Variants in HADHB observed in about 807,000 individuals in gnomAD.
HADHB encodes hydroxyacyl-CoA dehydrogenase trifunctional multienzyme complex subunit beta.
HADHB carries 50 observed loss-of-function variants against 61.9 expected under a neutral mutation model. The observed-to-expected ratio is 0.81, with a 90% CI of 0.64 to 1.02. HADHB has a LOEUF of 1.02. Among genes scored for constraint, HADHB ranks in the 50% least tolerant of loss-of-function variants. HADHB has a pLI of 0.00. For synonymous variants in HADHB, 191 were observed against 201.6 expected (o/e 0.95, Z 0.45); for missense variants, 504 against 586.5 (o/e 0.86, Z 1.45).
At chr2:26,285,696 A>C in intron 15 of HADHB, 125 bp downstream of exon 15, 2 of 365,770 alleles carry the variant, frequency 5.5e-6, no homozygotes, top group Non-Finnish European at 5.6e-6. Flanking sequence ...GGGAGTGGGG[A>C]GGGATAACAG....
intron 1 of HADHB, among the ~76,000 whole-genome samples, chr2:26,252,023 C>T (rs928500432): frequency 4.6e-5 from 7 of 152,278 alleles, no homozygotes; most frequent in Admixed American, 2.0e-4. Flanking sequence ...AGCTTGCCTG[C>T]GCTAGAGGCT....
At chr2:26,264,019 T>C (rs1337430127) in intron 4 of HADHB, among the ~76,000 whole-genome samples, 1 of 152,156 alleles carries the variant, frequency 6.6e-6, no homozygotes, top group Admixed American at 6.6e-5. Flanking sequence ...TTTGTGCTTC[T>C]TTTCTGTCCC....
At chr2:26,246,166 C>G (rs1256650238) in intron 1 of HADHB, among the ~76,000 whole-genome samples, 1 of 152,182 alleles carries the variant, frequency 6.6e-6, no homozygotes, top group Non-Finnish European at 1.5e-5. Context: ...AGTTCAGAGC[C>G]TGCCTCCTGC....
chr2:26,261,774 C>CA (rs35190163), intron 3 of HADHB, among the ~76,000 whole-genome samples: 114 of 143,480 alleles, frequency 7.9e-4, no homozygotes, highest in East Asian at 1.0e-3. Context: ...GGCATCATCT[C>CA]AAAAAAAAAA....
Position 26,279,178 on chromosome 2 carries a change from A to T in HADHB, c.674A>T (p.His225Leu). ...TTCTCCACCAGTGAGACCATGGGCC[A>T]CTCTGCAGACCGACTGGCCGCTGCC... ...SEFSTSETMG[H>L]SADRLAAAFA... The change falls in exon 9 of 16, where the codon CAC becomes CTC. Residue 225 changes from histidine (H) to leucine (L), a missense_variant. Coordinates refer to ENST00000317799, the MANE Select transcript of HADHB (RefSeq NM_000183.3). 1 of 1,613,646 alleles carries T rather than the reference A, an allele frequency of 6.2e-7. No individual in the cohort carries two copies. Among genetic ancestry groups the T allele is most frequent in the Non-Finnish European group, 8.5e-7 (1 of 1,179,828 alleles).
chr2:26,285,953 G>A (rs1574670638), intron 15 of HADHB, among the ~76,000 whole-genome samples: 1 of 151,816 alleles, frequency 6.6e-6, no homozygotes, highest in Non-Finnish European at 1.5e-5. Flanking sequence ...GGCCAGGCTA[G>A]TCTCGAATTG....
intron 5 of HADHB, among the ~76,000 whole-genome samples, chr2:26,270,699 T>C (rs1672301334): frequency 6.6e-6 from 1 of 152,166 alleles, no homozygotes; most frequent in Non-Finnish European, 1.5e-5. Context: ...TACTTTAGAA[T>C]CTTCTCTTAA....
At chr2:26,269,795 C>T (rs563637381) in intron 4 of HADHB, among the ~76,000 whole-genome samples, 158 bp from the exon 5 acceptor site, 1 of 152,304 alleles carries the variant, frequency 6.6e-6, no homozygotes, top group South Asian at 2.1e-4. Flanking sequence ...CGAAGTCACA[C>T]TATTTCTTCA....
intron 10 of HADHB, among the ~76,000 whole-genome samples, chr2:26,280,634 C>G (rs1337967705): frequency 1.3e-5 from 2 of 152,052 alleles, no homozygotes; most frequent in Non-Finnish European, 2.9e-5. Flanking sequence ...AGGCAGATCA[C>G]CTGAGGTCAG....
At chr2:26,245,937 T>G (rs1671134536) in intron 1 of HADHB, among the ~76,000 whole-genome samples, 2 of 152,190 alleles carry the variant, frequency 1.3e-5, no homozygotes, top group Admixed American at 1.3e-4. Context: ...AGTCTGAGTC[T>G]CACTACTCGC....
intron 10 of HADHB, among the ~76,000 whole-genome samples, chr2:26,281,600 A>C (rs962232007): frequency 6.6e-5 from 10 of 152,224 alleles, no homozygotes; most frequent in African/African-American, 2.4e-4. Flanking sequence ...ATTTAGTGAG[A>C]ATCAGAGACA....
At chr2:26,283,480 C>T (rs1189992846) in intron 12 of HADHB, among the ~76,000 whole-genome samples, 3 of 151,972 alleles carry the variant, frequency 2.0e-5, no homozygotes, top group East Asian at 1.9e-4. Flanking sequence ...GCCAAGATCA[C>T]GCCACTGCAC....
intron 4 of HADHB, among the ~76,000 whole-genome samples, chr2:26,266,345 T>C (rs1057240862): frequency 3.3e-5 from 5 of 152,138 alleles, no homozygotes; most frequent in Non-Finnish European, 7.4e-5. Context: ...ACATTATTGA[T>C]GTTAGGATTG....
intron 6 of HADHB, among the ~76,000 whole-genome samples, chr2:26,274,695 A>G (rs962003846): frequency 1.3e-5 from 2 of 152,216 alleles, no homozygotes; most frequent in African/African-American, 2.4e-5. Context: ...GAATGTTTCA[A>G]ATATGATAAT....
intron 4 of HADHB, among the ~76,000 whole-genome samples, chr2:26,266,375 T>G (rs2147812757): frequency 6.6e-6 from 1 of 152,356 alleles, no homozygotes; most frequent in East Asian, 1.9e-4. Flanking sequence ...ATGAGTCTTC[T>G]GTAATAGAAG....
intron 1 of HADHB, among the ~76,000 whole-genome samples, chr2:26,252,135 T>A (rs1671423578): frequency 6.6e-6 from 1 of 152,198 alleles, no homozygotes; most frequent in Non-Finnish European, 1.5e-5. Context: ...CTGGCTTCTC[T>A]CATAGTGGGT....
chr2:26,260,833 A>G (rs367790500), intron 3 of HADHB: 83 of 598,758 alleles, frequency 1.4e-4, no homozygotes, highest in South Asian at 7.2e-4. Flanking sequence ...TGCTTCTATC[A>G]TTCTTCATTC....
At chr2:26,249,468 G>A (rs182950215) in intron 1 of HADHB, among the ~76,000 whole-genome samples, 103 of 152,156 alleles carry the variant, frequency 6.8e-4, no homozygotes, top group African/African-American at 1.7e-3. Context: ...CCAAGATCGC[G>A]CCGCTGTACT....
At chr2:26,288,823 T>G (rs1673148066) in intron 15 of HADHB, among the ~76,000 whole-genome samples, 3 of 152,246 alleles carry the variant, frequency 2.0e-5, no homozygotes, top group African/African-American at 7.2e-5. Context: ...AACTTGGCAC[T>G]TTGTAAATAA....
Sources: allele counts gnomAD v4.1 joint callset (sites outside exome capture counted in the v4.1 genomes callset), GRCh38; gene constraint gnomAD v4.1.1; transcripts MANE v1.5; gene names NCBI Gene and HGNC (gene_info 2026-07-23, HGNC 2026-07-21).